The following SORCS2 variants were observed in gnomAD, a reference collection of about 807,000 sequenced individuals.
SORCS2 encodes sortilin related VPS10 domain containing receptor 2.
A neutral mutation model predicts 141.6 loss-of-function variants in SORCS2; 100 were observed. The ratio of observed to expected loss-of-function variants is 0.71; its 90% CI spans 0.60 to 0.83. The LOEUF (loss-of-function observed/expected upper bound fraction) is 0.83, where lower values mean the gene tolerates loss of function less well. Among genes scored for constraint, SORCS2 ranks in the 40% least tolerant of loss-of-function variants. The probability of loss-of-function intolerance (pLI) is 0.00; values close to 1 mark genes in which losing one functional copy is unlikely to be tolerated. For synonymous variants in SORCS2, 789 were observed against 676.9 expected, an observed-to-expected ratio of 1.17 and a Z score of -2.57; for missense variants, 1,646 against 1,560.2, an observed-to-expected ratio of 1.05 and a Z score of -0.93.
At chr4:7,682,082 A>G (rs1344838950) in intron 9 of SORCS2, among the ~76,000 whole-genome samples, 1 of 152,236 alleles carries the variant, frequency 6.6e-6, no homozygotes, top group Non-Finnish European at 1.5e-5. Flanking sequence ...AGTTGCTGAT[A>G]GTTGCACGTT....
intron 4 of SORCS2, among the ~76,000 whole-genome samples, chr4:7,651,307 G>C (rs1359883703): frequency 6.6e-6 from 1 of 152,240 alleles, no homozygotes; most frequent in Non-Finnish European, 1.5e-5. Flanking sequence ...GAGTGAGGAT[G>C]AGGATTGTCA....
At position 7,715,373 on chromosome 4, in the gene SORCS2, G is replaced by A. The variant is rs577192555; in HGVS notation, c.2252+62G>A. ...GGGGGCAGAGCTGTGGTGCAGCCCC[G>A]AAACCACGCCTTCCTGGCTGGTGCC... On this transcript the variant is annotated intron_variant, in intron 17 of 26. Transcript: ENST00000507866. 2.8e-4 allele frequency: 437 copies of A among 1,588,220 alleles called. 1 individual carries two copies. The highest frequency in any genetic ancestry group is 6.8e-4 in the Admixed American group (40 of 58,500).
intron 2 of SORCS2, among the ~76,000 whole-genome samples, chr4:7,476,773 C>G (rs1459158225): frequency 1.3e-5 from 2 of 152,196 alleles, no homozygotes; most frequent in Non-Finnish European, 2.9e-5. Context: ...GCTCCACGCT[C>G]TCCCTCTGCT....
chr4:7,726,814 G>T lies in SORCS2; in HGVS notation c.2780G>T (p.Arg927Leu), dbSNP rs1293249543. ...LLSLDNSVTTRFSDTGDVRVT... is the reference protein window; with the variant it reads ...LLSLDNSVTTLFSDTGDVRVT... ...TCCCTGGATAATTCTGTGACAACGC[G>T]GTTTTCGGACACGGGCGACGTGCGT... Residue 927 changes from arginine to leucine, a missense_variant, in exon 21 of 27, where the codon CGG (arginine) becomes CTG (leucine). Transcript: ENST00000507866. 6.2e-7 allele frequency: 1 copy of T among 1,613,822 alleles called. No homozygotes were observed.
intron 4 of SORCS2, among the ~76,000 whole-genome samples, chr4:7,652,892 A>G (rs990447513): frequency 2.0e-5 from 3 of 152,218 alleles, no homozygotes; most frequent in Admixed American, 6.5e-5. Context: ...GTTGACAATC[A>G]GGTCAAATGC....
At chr4:7,622,309 G>C (rs1247746712) in intron 3 of SORCS2, among the ~76,000 whole-genome samples, 2 of 152,186 alleles carry the variant, frequency 1.3e-5, no homozygotes, top group African/African-American at 4.8e-5. Context: ...TATGTGCATG[G>C]CCAGAATTCC....
At chr4:7,267,163 C>T (rs993561713) in intron 1 of SORCS2, among the ~76,000 whole-genome samples, 3 of 138,048 alleles carry the variant, frequency 2.2e-5, no homozygotes, top group Admixed American at 1.4e-4. Flanking sequence ...CCACCAGGGA[C>T]GGGACAGACA....
Position 7,277,059 on chromosome 4 carries a change from A to G in SORCS2, c.480+83933A>G, listed in dbSNP as rs534353349. ...GTTAACTGTCCAGCCCCAGGACAGG[A>G]GAAAGCTCCTTCAGGAGGCTCTCCC... On this transcript the variant is annotated intron_variant, in intron 1 of 26. Transcript: ENST00000507866. 1.7e-4 allele frequency among the ~76,000 whole-genome samples: 25 copies of G among 147,054 alleles called. No homozygotes were observed. The Admixed American group carries it at 1.7e-3, about 10-fold the overall frequency.
At chr4:7,433,652 A>G (rs4689746) in intron 2 of SORCS2, 1,606,902 of 1,609,896 alleles carry the variant, frequency 1, 801,999 homozygotes, top group East Asian at 1. Flanking sequence ...TTGCTCTCCA[A>G]GTTGTGGGAG....
chr4:7,638,361 G>C lies in SORCS2; in HGVS notation c.682G>C (p.Asp228His). 1.3e-6 allele frequency: 2 copies of C among 1,538,478 alleles called. No individual in the cohort carries two copies. The highest frequency in any genetic ancestry group is 1.7e-6 in the Non-Finnish European group (2 of 1,148,648). ...TGTCAGCTCCTCACTCAGTGACCGG[G>C]ACCAGAGCCTATTCCTCAGCGCAGA... ...ILVSSSLSDR[D>H]QSLFLSADEG... Residue 228 changes from aspartate (D) to histidine (H), a missense_variant, in exon 4 of 27, where the codon GAC becomes CAC. Transcript: ENST00000507866.
intron 8 of SORCS2, among the ~76,000 whole-genome samples, chr4:7,673,773 T>C (rs1722931240): frequency 6.6e-6 from 1 of 152,152 alleles, no homozygotes; most frequent in African/African-American, 2.4e-5. Context: ...CTTGCTGCAA[T>C]CGCTGTAAAT....
At chr4:7,691,365 G>A (rs991470224) in intron 11 of SORCS2, among the ~76,000 whole-genome samples, 9 of 152,216 alleles carry the variant, frequency 5.9e-5, no homozygotes, top group African/African-American at 1.7e-4. Flanking sequence ...GGCCTTCTGG[G>A]TGGAAGGGGG....
rs190447978 is a variant in SORCS2 at position 7,721,416 on chromosome 4, A to G, written c.2425-2281A>G. On this transcript the variant is annotated intron_variant, in intron 18 of 26. Transcript: ENST00000507866. ...GGGAGTCGGAGGTTGCAGTGAGCCAAGATCCCACCACTGTACTCCAGCCTG... is the reference window on the plus strand; with the variant it reads ...GGGAGTCGGAGGTTGCAGTGAGCCAGGATCCCACCACTGTACTCCAGCCTG... Among the ~76,000 whole-genome samples the G allele has an allele frequency of 5.6e-4, 86 of 152,320 alleles. 1 individual carries two copies. Among genetic ancestry groups the G allele is most frequent in the African/African-American group, 2.0e-3 (82 of 41,570 alleles).
At chr4:7,575,417 G>A (rs371290918) in intron 3 of SORCS2, among the ~76,000 whole-genome samples, 1 of 152,084 alleles carries the variant, frequency 6.6e-6, no homozygotes, top group African/African-American at 2.4e-5. Context: ...TTGAAATCCA[G>A]TGTATAATTT....
intron 1 of SORCS2, among the ~76,000 whole-genome samples, chr4:7,205,163 C>G (rs563143096): frequency 1.3e-3 from 204 of 152,344 alleles, no homozygotes; most frequent in African/African-American, 4.8e-3. Flanking sequence ...AGTCCTGCAG[C>G]AGCTATGACG....
At chr4:7,232,812 G>C (rs761990227) in intron 1 of SORCS2, among the ~76,000 whole-genome samples, 1 of 152,196 alleles carries the variant, frequency 6.6e-6, no homozygotes, top group Non-Finnish European at 1.5e-5. Flanking sequence ...CAGGGCACCC[G>C]GTTCAATTCT....
At chr4:7,637,349 G>A (rs1720328550) in intron 3 of SORCS2, among the ~76,000 whole-genome samples, 1 of 152,150 alleles carries the variant, frequency 6.6e-6, no homozygotes, top group African/African-American at 2.4e-5. Flanking sequence ...CCCCGGCTCA[G>A]CGTTCTCCTC....
intron 14 of SORCS2, among the ~76,000 whole-genome samples, chr4:7,711,010 G>T (rs1023554643): frequency 6.6e-6 from 1 of 152,236 alleles, no homozygotes; most frequent in East Asian, 1.9e-4. Context: ...TGGCAGGAAT[G>T]CGGGATGGAA....
chr4:7,597,210 C>A (rs924947044), intron 3 of SORCS2, among the ~76,000 whole-genome samples: 2 of 143,492 alleles, frequency 1.4e-5, no homozygotes, highest in Non-Finnish European at 3.0e-5. Flanking sequence ...GGGGCTATTG[C>A]AATAGGGAAG....
Sources: gnomAD v4.1 joint callset for allele counts (sites outside exome capture counted in the v4.1 genomes callset) on GRCh38, gnomAD v4.1.1 for gene constraint, MANE v1.5 for transcripts, NCBI Gene and HGNC (gene_info 2026-07-23, HGNC 2026-07-21) for gene names.